The following CACNA2D1 variants were observed in gnomAD, a reference collection of about 807,000 sequenced individuals.
The protein encoded by CACNA2D1 is calcium voltage-gated channel auxiliary subunit alpha2delta 1.
Under a neutral mutation model 171.5 loss-of-function variants are expected in CACNA2D1, and 53 were observed. That is an observed-to-expected ratio of 0.31 (90% CI 0.25 to 0.39). CACNA2D1 has a LOEUF of 0.39. Ranked by LOEUF, CACNA2D1 falls within the 10% of genes least tolerant of loss-of-function variation. CACNA2D1 has a pLI of 1.00. For synonymous variants in CACNA2D1, 442 were observed against 443.1 expected, an observed-to-expected ratio of 1.00 and a Z score of 0.03; for missense variants, 903 against 1,299.8, an observed-to-expected ratio of 0.69 and a Z score of 4.69.
chr7:82,215,809 G>T (rs1352170627), intron 3 of CACNA2D1, among the ~76,000 whole-genome samples: 1 of 151,990 alleles, frequency 6.6e-6, no homozygotes, highest in Non-Finnish European at 1.5e-5. Flanking sequence ...CTAAAATTCA[G>T]AATTTGCTTT....
intron 3 of CACNA2D1, among the ~76,000 whole-genome samples, chr7:82,313,556 C>T (rs2129434272): frequency 6.6e-6 from 1 of 152,296 alleles, no homozygotes; most frequent in Non-Finnish European, 1.5e-5. Context: ...CCCATGCCTT[C>T]CATTCTCTCC....
chr7:82,109,937 T>C (rs1563061889), intron 6 of CACNA2D1, among the ~76,000 whole-genome samples: 2 of 152,194 alleles, frequency 1.3e-5, no homozygotes, highest in East Asian at 1.9e-4. Flanking sequence ...CCATGATCCA[T>C]AGCTAAACCC....
At chr7:82,017,309 C>T (rs1383129706) in intron 12 of CACNA2D1, among the ~76,000 whole-genome samples, 1 of 152,086 alleles carries the variant, frequency 6.6e-6, no homozygotes, top group Non-Finnish European at 1.5e-5. Flanking sequence ...AAAAAAATTT[C>T]ATTCCCTAGC....
intron 1 of CACNA2D1, among the ~76,000 whole-genome samples, chr7:82,415,220 A>C (rs1320157766): frequency 1.3e-5 from 2 of 152,138 alleles, no homozygotes; most frequent in Non-Finnish European, 2.9e-5. Flanking sequence ...CTAGGCATGA[A>C]GTCTGCAAGT....
intron 2 of CACNA2D1, among the ~76,000 whole-genome samples, chr7:82,345,369 C>A (rs1819124627): frequency 6.6e-6 from 1 of 152,162 alleles, no homozygotes; most frequent in Non-Finnish European, 1.5e-5. Context: ...CCAGGAAGTT[C>A]TATGGCAATG....
intron 1 of CACNA2D1, among the ~76,000 whole-genome samples, chr7:82,376,328 T>C (rs1366678123): frequency 6.6e-6 from 1 of 152,182 alleles, no homozygotes; most frequent in Admixed American, 6.5e-5. Context: ...TTATCAAAAT[T>C]ACAAAACAGC....
At chr7:82,278,369 G>A (rs991305975) in intron 3 of CACNA2D1, among the ~76,000 whole-genome samples, 3 of 151,726 alleles carry the variant, frequency 2.0e-5, no homozygotes, top group Non-Finnish European at 2.9e-5. Context: ...ACCTGAGGTC[G>A]GGAGTTGGAG....
intron 18 of CACNA2D1, among the ~76,000 whole-genome samples, chr7:81,999,687 GGCT>G (rs2130817674): frequency 6.6e-6 from 1 of 152,026 alleles, no homozygotes; most frequent in East Asian, 1.9e-4. Flanking sequence ...CAATATTTGA[GGCT>G]GCTGCAAAAA....
intron 3 of CACNA2D1, among the ~76,000 whole-genome samples, chr7:82,270,720 A>G (rs922848079): frequency 2.4e-4 from 36 of 152,136 alleles, no homozygotes; most frequent in African/African-American, 8.4e-4. Flanking sequence ...CTTCTATCCA[A>G]ATTTTAATTC....
At position 82,147,801 on chromosome 7, in the gene CACNA2D1, C is replaced by T. The variant is rs867533525; in HGVS notation, c.355-11125G>A. On this transcript the variant is annotated intron_variant, in intron 4 of 38. Coordinates refer to ENST00000356860, the MANE Select transcript of CACNA2D1 (RefSeq NM_000722.4). The stretch of plus-strand genomic sequence containing the variant: ...ATAACTTAGTTTAAAATAATCTGTT[C>T]AAAATTGGAGCCTCAAAGAACATTA... Among the ~76,000 whole-genome samples, 33 of 152,064 alleles carry T rather than the reference C, an allele frequency of 2.2e-4. 2 individuals carry two copies. The highest frequency in any genetic ancestry group is 2.1e-3 in the South Asian group (10 of 4,820).
At position 82,384,972 on chromosome 7, in the gene CACNA2D1, T is replaced by C. The variant is rs73382097; in HGVS notation, c.96-35323A>G. On this transcript the variant is annotated intron_variant, in intron 1 of 38. Transcript: ENST00000356860. Reference sequence around the variant, plus strand: ...TCACATTAATGTATTGCAATGCTCTTGCACACTTTAGCCCCTACTGAAACA... The same window carrying C: ...TCACATTAATGTATTGCAATGCTCTCGCACACTTTAGCCCCTACTGAAACA... Among the ~76,000 whole-genome samples the C allele has an allele frequency of 3.7e-3, 558 of 152,348 alleles. 5 individuals carry two copies. The highest frequency in any genetic ancestry group is 0.012 in the African/African-American group (515 of 41,586).
intron 6 of CACNA2D1, among the ~76,000 whole-genome samples, chr7:82,089,382 T>C (rs911638286): frequency 1.3e-5 from 2 of 152,198 alleles, no homozygotes; most frequent in African/African-American, 4.8e-5. Context: ...AATGAAGATC[T>C]TTATCCCTGT....
chr7:82,415,044 A>T (rs1313506623), intron 1 of CACNA2D1, among the ~76,000 whole-genome samples: 1 of 152,210 alleles, frequency 6.6e-6, no homozygotes, highest in Non-Finnish European at 1.5e-5. Flanking sequence ...TTAAAAGCCT[A>T]ACGTTTCTCT....
intron 3 of CACNA2D1, among the ~76,000 whole-genome samples, chr7:82,218,854 A>T (rs959208303): frequency 6.6e-6 from 1 of 151,766 alleles, no homozygotes; most frequent in Non-Finnish European, 1.5e-5. Flanking sequence ...ATTAATTAAA[A>T]TATCAAATAG....
At chr7:82,368,560 GA>G (rs1364054381) in intron 1 of CACNA2D1, among the ~76,000 whole-genome samples, 1 of 152,080 alleles carries the variant, frequency 6.6e-6, no homozygotes, top group African/African-American at 2.4e-5. Flanking sequence ...TTAGTTCCAA[GA>G]AATGTATTAT....
chr7:81,982,561 A>T lies in CACNA2D1; in HGVS notation c.1955+6T>A, dbSNP rs770715906. ...GAAGATGTATCAAAAATACAACAAA[A>T]CCAACCTTGGTGCTATGAATGTATA... On this transcript the variant is annotated splice_donor_region_variant and intron_variant, in intron 24 of 38. Transcript: ENST00000356860. The T allele has an allele frequency of 2.5e-6, 4 of 1,583,378 alleles. No homozygotes were observed. In the African/African-American group the frequency reaches 4.0e-5, roughly 16 times the overall value.
At chr7:82,118,237 C>G (rs368023087) in intron 5 of CACNA2D1, among the ~76,000 whole-genome samples, 1 of 152,116 alleles carries the variant, frequency 6.6e-6, no homozygotes, top group African/African-American at 2.4e-5. Context: ...TACCTGGTTG[C>G]CTTCCCCTGG....
chr7:82,332,687 T>C (rs1563381688), intron 3 of CACNA2D1, among the ~76,000 whole-genome samples: 2 of 151,966 alleles, frequency 1.3e-5, no homozygotes, highest in Non-Finnish European at 2.9e-5. Flanking sequence ...TATCCATAAA[T>C]GTACTGAAGT....
chr7:82,443,333 G>T, intron 1 of CACNA2D1, 32 bp downstream of exon 1: 2 of 1,586,538 alleles, frequency 1.3e-6, no homozygotes, highest in Admixed American at 1.7e-5. Flanking sequence ...GCGCCCCTCG[G>T]CCGGCGCTCC....
Sources: allele counts gnomAD v4.1 joint callset (sites outside exome capture counted in the v4.1 genomes callset), GRCh38; gene constraint gnomAD v4.1.1; transcripts MANE v1.5; gene names NCBI Gene and HGNC (gene_info 2026-07-23, HGNC 2026-07-21).